Variants in SPECC1 observed in about 807,000 individuals in gnomAD.
SPECC1 encodes cytospin-B.
A neutral mutation model predicts 104.1 loss-of-function variants in SPECC1; 62 were observed. The ratio of observed to expected loss-of-function variants is 0.60; its 90% CI spans 0.49 to 0.74. The LOEUF (loss-of-function observed/expected upper bound fraction) is 0.74. Among genes scored for constraint, SPECC1 ranks in the 30% least tolerant of loss-of-function variants. The pLI is 0.00. For synonymous variants in SPECC1, 513 were observed against 501.6 expected, an observed-to-expected ratio of 1.02 and a Z score of -0.30; for missense variants, 1,306 against 1,310.5, an observed-to-expected ratio of 1.00 and a Z score of 0.05.
chr17:20,105,729 A>C (rs9901357), intron 2 of SPECC1, among the ~76,000 whole-genome samples: 19,385 of 152,120 alleles, frequency 0.13, 1,224 homozygotes, highest in African/African-American at 0.14. Flanking sequence ...GCAGTGCCTC[A>C]AAGGCAAAAC....
rs528079704 is a variant in SPECC1, at chr17:20,240,806, C to T, written c.2352-5120C>T. 1.2e-3 allele frequency among the ~76,000 whole-genome samples: 177 copies of T among 152,316 alleles called. 7 individuals carry two copies. In the South Asian group the frequency reaches 0.034, roughly 29 times the overall value. On this transcript the variant is annotated intron_variant, in intron 7 of 14. Coordinates refer to ENST00000395527, the MANE Select transcript of SPECC1 (RefSeq NM_001243439.2). Reference sequence around the variant, plus strand: ...TTGCTTATATTACTTTTAACTCATCCTTTCATTTAAAATTTTTATTTTATT... The same window carrying T: ...TTGCTTATATTACTTTTAACTCATCTTTTCATTTAAAATTTTTATTTTATT...
chr17:20,190,916 T>G (rs1691313493), intron 3 of SPECC1, among the ~76,000 whole-genome samples: 1 of 152,108 alleles, frequency 6.6e-6, no homozygotes, highest in African/African-American at 2.4e-5. Flanking sequence ...TCTTTTTGCT[T>G]TAGCAAGCAA....
At position 20,048,524 on chromosome 17, in the gene SPECC1, T is replaced by G. The variant is rs182939530; in HGVS notation, c.-22+39100T>G. 5.3e-5 allele frequency among the ~76,000 whole-genome samples: 8 copies of G among 152,304 alleles called. No homozygotes were observed. The East Asian group carries it at 1.5e-3, about 29-fold the overall frequency. On this transcript the variant is annotated intron_variant, in intron 1 of 14. Transcript: ENST00000395527. ...AGCCTTTGTGTTTGTTGCTCAGGGT[T>G]GAGGCCCTTCTCTACTTTCATTATA... is the stretch of plus-strand genomic sequence containing the variant.
rs150223403 is a variant in SPECC1, at chr17:20,267,572, C to T, written c.2940+7278C>T. On this transcript the variant is annotated intron_variant, in intron 12 of 14. Coordinates refer to ENST00000395527, the MANE Select transcript of SPECC1 (RefSeq NM_001243439.2). Reference sequence around the variant, plus strand: ...GCCAAGTGATGTCTCTGGCTTGTGGCAGAAGTTGGGGAAATTCAAAGCATG... The same window carrying T: ...GCCAAGTGATGTCTCTGGCTTGTGGTAGAAGTTGGGGAAATTCAAAGCATG... Among the ~76,000 whole-genome samples, 446 of 151,878 alleles carry T rather than the reference C, an allele frequency of 2.9e-3. 19 individuals carry two copies. The East Asian group carries it at 0.084, about 28-fold the overall frequency.
chr17:20,148,055 A>T lies in SPECC1; in HGVS notation c.283+37493A>T, dbSNP rs926906790. ...AGACTCTGTCTCAAAATAAGAAAAA[A>T]GATGGACACTTTGGTGTTTAGTAAA... On this transcript the variant is annotated intron_variant, in intron 3 of 14. Coordinates refer to ENST00000395527, the MANE Select transcript of SPECC1 (RefSeq NM_001243439.2). Among the ~76,000 whole-genome samples the T allele has an allele frequency of 8.3e-4, 127 of 152,300 alleles. 1 individual carries two copies. Among genetic ancestry groups the T allele is most frequent in the African/African-American group, 3.0e-3 (123 of 41,560 alleles).
chr17:20,302,878 TAAAAA>T (rs35060925), intron 13 of SPECC1, among the ~76,000 whole-genome samples: 44 of 61,856 alleles, frequency 7.1e-4, no homozygotes, highest in Non-Finnish European at 1.1e-3. Context: ...TGAGCCCATC[TAAAAA>T]AAAAAAAAAA....
chr17:20,093,930 C>T (rs1318487455), intron 1 of SPECC1, among the ~76,000 whole-genome samples: 1 of 151,734 alleles, frequency 6.6e-6, no homozygotes, highest in Admixed American at 6.6e-5. Flanking sequence ...AGGGTCTCAC[C>T]ATGTTGCCCA....
At chr17:20,012,843 C>T (rs746068433) in intron 1 of SPECC1, among the ~76,000 whole-genome samples, 75 of 152,230 alleles carry the variant, frequency 4.9e-4, no homozygotes, top group Non-Finnish European at 8.1e-4. Context: ...AAAATTGAAG[C>T]TCTGTATCCA....
intron 3 of SPECC1, among the ~76,000 whole-genome samples, chr17:20,186,404 A>G (rs2035279696): frequency 6.6e-6 from 1 of 152,238 alleles, no homozygotes; most frequent in Non-Finnish European, 1.5e-5. Flanking sequence ...TGGAGAAATG[A>G]CACTGATAGA....
chr17:20,289,160 A>G (rs919362364), intron 12 of SPECC1, among the ~76,000 whole-genome samples: 2 of 152,176 alleles, frequency 1.3e-5, no homozygotes, highest in African/African-American at 4.8e-5. Context: ...TGATAAACTC[A>G]TGAGATGTTG....
chr17:20,074,447 C>G (rs1223413615), intron 1 of SPECC1, among the ~76,000 whole-genome samples: 2 of 152,294 alleles, frequency 1.3e-5, no homozygotes, highest in East Asian at 3.9e-4. Flanking sequence ...CTTAAAATCT[C>G]TCTTACCCAC....
At chr17:20,042,187 A>T (rs1017097868) in intron 1 of SPECC1, among the ~76,000 whole-genome samples, 2 of 152,164 alleles carry the variant, frequency 1.3e-5, no homozygotes, top group African/African-American at 2.4e-5. Context: ...GGGGGTAAAT[A>T]TCCAGGCTTT....
intron 1 of SPECC1, among the ~76,000 whole-genome samples, chr17:20,045,433 A>G (rs1400172582): frequency 1.3e-5 from 2 of 151,626 alleles, no homozygotes; most frequent in East Asian, 3.9e-4. Context: ...ATTGATATCT[A>G]AGAGTGGAAT....
Position 20,298,656 on chromosome 17 carries a change from T to G in SPECC1, c.3057+1579T>G, listed in dbSNP as rs533319560. On this transcript the variant is annotated intron_variant, in intron 13 of 14. Coordinates refer to ENST00000395527, the MANE Select transcript of SPECC1 (RefSeq NM_001243439.2). ...GAAAGACATAGAAGGATTTGAAATA[T>G]GTCTCAGACAGAATCAACTGGATTT... Among the ~76,000 whole-genome samples the G allele has an allele frequency of 9.2e-5, 14 of 152,166 alleles. 1 individual carries two copies. The South Asian group carries it at 2.9e-3, about 32-fold the overall frequency.
At chr17:20,242,983 C>T (rs1041679506) in intron 7 of SPECC1, among the ~76,000 whole-genome samples, 15 of 152,262 alleles carry the variant, frequency 9.9e-5, no homozygotes, top group South Asian at 4.1e-4. Context: ...AGCATGGCCC[C>T]TAAACACTAA....
At chr17:20,042,997 CA>C (rs2045394751) in intron 1 of SPECC1, among the ~76,000 whole-genome samples, 1 of 152,224 alleles carries the variant, frequency 6.6e-6, no homozygotes, top group African/African-American at 2.4e-5. Context: ...CTCAAGTCCA[CA>C]ACTTGCTTTT....
intron 14 of SPECC1, among the ~76,000 whole-genome samples, chr17:20,309,506 T>G (rs2041866608): frequency 6.6e-6 from 1 of 152,192 alleles, no homozygotes; most frequent in Admixed American, 6.5e-5. Flanking sequence ...GTCACCCAGA[T>G]AGGCACATAG....
intron 3 of SPECC1, among the ~76,000 whole-genome samples, chr17:20,116,739 T>G (rs2048772828): frequency 1.3e-5 from 2 of 150,988 alleles, no homozygotes; most frequent in Non-Finnish European, 3.0e-5. Context: ...AACCCGTTGT[T>G]CTCAATGGGG....
At chr17:20,094,888 C>G (rs533451548) in intron 1 of SPECC1, among the ~76,000 whole-genome samples, 1 of 152,240 alleles carries the variant, frequency 6.6e-6, no homozygotes, top group Non-Finnish European at 1.5e-5. Context: ...GCATGAGCCA[C>G]TGTGCCTGGA....
Sources: gnomAD v4.1 joint callset for allele counts (sites outside exome capture counted in the v4.1 genomes callset) on GRCh38, gnomAD v4.1.1 for gene constraint, MANE v1.5 for transcripts, NCBI Gene and HGNC (gene_info 2026-07-23, HGNC 2026-07-21) for gene names.